ADAMTSL1: variants seen among roughly 807,000 people sequenced by gnomAD.
ADAMTSL1 encodes ADAMTS-like protein 1.
ADAMTSL1 carries 126 observed loss-of-function variants against 201.8 expected under a neutral mutation model. That is an observed-to-expected ratio of 0.62 (90% CI 0.54 to 0.72). The LOEUF (loss-of-function observed/expected upper bound fraction) is 0.72. ADAMTSL1 is among the 30% of genes least tolerant of loss of function. The pLI is 0.00. For missense variants in ADAMTSL1, 2,679 were observed against 2,277.8 expected (o/e 1.18, Z -3.59); for synonymous variants, 1,121 against 903.4 (o/e 1.24, Z -4.32).
chr9:18,310,640 C>T (rs1348958200), intron 2 of ADAMTSL1, among the ~76,000 whole-genome samples: 1 of 152,042 alleles, frequency 6.6e-6, no homozygotes, highest in African/African-American at 2.4e-5. Context: ...AAATGCAAGT[C>T]AAAACCACAA....
chr9:18,732,085 T>C (rs1012009537), intron 15 of ADAMTSL1, among the ~76,000 whole-genome samples: 3 of 152,208 alleles, frequency 2.0e-5, no homozygotes, highest in African/African-American at 7.2e-5. Context: ...TGATCGCATA[T>C]GTAAAACACT....
At chr9:18,548,859 G>GATTTATCTATGGAT (rs1820628646) in intron 3 of ADAMTSL1, among the ~76,000 whole-genome samples, 1 of 151,900 alleles carries the variant, frequency 6.6e-6, no homozygotes, top group Non-Finnish European at 1.5e-5. Flanking sequence ...TCTAGTAATT[G>GATTTATCTATGGAT]AAATAAAAAT....
chr9:18,477,285 A>G (rs1328884868), intron 1 of ADAMTSL1, among the ~76,000 whole-genome samples: 1 of 152,210 alleles, frequency 6.6e-6, no homozygotes, highest in Non-Finnish European at 1.5e-5. Flanking sequence ...TTTCTTTTAA[A>G]CGGTTTTAAG....
intron 8 of ADAMTSL1, among the ~76,000 whole-genome samples, chr9:18,659,947 T>C (rs1432070479): frequency 1.3e-5 from 2 of 152,052 alleles, no homozygotes; most frequent in Non-Finnish European, 2.9e-5. Context: ...CCATGCTTTG[T>C]GAGAAATAGC....
chr9:18,102,481 G>A (rs550296751), intron 1 of ADAMTSL1, among the ~76,000 whole-genome samples: 2 of 152,304 alleles, frequency 1.3e-5, no homozygotes, highest in South Asian at 4.1e-4. Context: ...CATGAGAAGA[G>A]GGTCTTGGTT....
intron 5 of ADAMTSL1, among the ~76,000 whole-genome samples, chr9:18,635,612 T>C (rs758246620): frequency 6.6e-6 from 1 of 152,214 alleles, no homozygotes; most frequent in Non-Finnish European, 1.5e-5. Context: ...AATGTATTTT[T>C]ATGTTTTAAT....
At chr9:18,473,448 G>T (rs1180382471), upstream of ADAMTSL1, among the ~76,000 whole-genome samples, 1 of 152,118 alleles carries the variant, frequency 6.6e-6, no homozygotes, top group Non-Finnish European at 1.5e-5. Context: ...GCCTTCAATT[G>T]TCACTTTACA....
At chr9:18,184,247 A>C (rs1393766692) in intron 2 of ADAMTSL1, among the ~76,000 whole-genome samples, 1 of 152,198 alleles carries the variant, frequency 6.6e-6, no homozygotes. Context: ...TAAATACTTT[A>C]CCTATAACCT....
In ADAMTSL1 at chr9:18,201,583, C is replaced by A. The variant is rs146806310; in HGVS notation, c.207+37602C>A. The stretch of plus-strand genomic sequence containing the variant: ...TTAGAAGGAGCAATGGGTTAAAAAA[C>A]TTTTCATCTTGTTTTATTGCGATAA... On this transcript the variant is annotated intron_variant, in intron 2 of 29. Coordinates refer to the ADAMTSL1 transcript ENST00000680146. Among the ~76,000 whole-genome samples, 960 of 152,134 alleles carry A rather than the reference C, an allele frequency of 6.3e-3. 14 individuals are homozygous for A. The highest frequency in any genetic ancestry group is 0.022 in the African/African-American group (925 of 41,548).
chr9:18,718,058 A>T (rs1816094638), intron 14 of ADAMTSL1: 1 of 1,514,656 alleles, frequency 6.6e-7, no homozygotes, highest in Admixed American at 1.7e-5. Flanking sequence ...GTCATAAAAG[A>T]TCTCATTAAC....
chr9:18,328,998 T>C (rs1241995192), intron 2 of ADAMTSL1, among the ~76,000 whole-genome samples: 1 of 152,156 alleles, frequency 6.6e-6, no homozygotes, highest in African/African-American at 2.4e-5. Flanking sequence ...TTTGCTATAG[T>C]CTGAATGTTT....
intron 2 of ADAMTSL1, among the ~76,000 whole-genome samples, chr9:18,409,993 T>C (rs1272530188): frequency 6.6e-6 from 1 of 151,742 alleles, no homozygotes; most frequent in East Asian, 1.9e-4. Flanking sequence ...ATCTTTGCTT[T>C]CTTCCTGAGT....
intron 2 of ADAMTSL1, among the ~76,000 whole-genome samples, chr9:18,364,660 A>T (rs1836689715): frequency 6.6e-6 from 1 of 152,120 alleles, no homozygotes; most frequent in Non-Finnish European, 1.5e-5. Flanking sequence ...TGCTATAAAG[A>T]AATACCTGTG....
rs533480328 is a variant in ADAMTSL1, at chr9:18,631,249, C to A, written c.602-4694C>A. ...CCTAGGCAAATGGAAGGATGAAGTTCTCCAGATGGGAATGAGGAGGGCATC... is the reference window on the plus strand; with the variant it reads ...CCTAGGCAAATGGAAGGATGAAGTTATCCAGATGGGAATGAGGAGGGCATC... On this transcript the variant is annotated intron_variant, in intron 5 of 28. Transcript: ENST00000380548. Among the ~76,000 whole-genome samples, 4 of 152,272 alleles carry A rather than the reference C, an allele frequency of 2.6e-5. No homozygotes were observed. The East Asian group carries it at 7.7e-4, about 29-fold the overall frequency.
At chr9:18,459,223 T>A (rs886283527) in intron 2 of ADAMTSL1, among the ~76,000 whole-genome samples, 30 of 152,206 alleles carry the variant, frequency 2.0e-4, no homozygotes, top group African/African-American at 6.3e-4. Context: ...CTCAAGCAGC[T>A]TATGTTATAG....
At chr9:18,572,909 G>A (rs1372756500) in intron 3 of ADAMTSL1, among the ~76,000 whole-genome samples, 1 of 152,158 alleles carries the variant, frequency 6.6e-6, no homozygotes, top group East Asian at 1.9e-4. Flanking sequence ...GTCGACGACA[G>A]TCTTCCATGG....
chr9:18,289,693 A>G (rs1833173377), intron 2 of ADAMTSL1, among the ~76,000 whole-genome samples: 1 of 152,234 alleles, frequency 6.6e-6, no homozygotes, highest in Admixed American at 6.5e-5. Context: ...AAAGGATGAC[A>G]AAATGATCTT....
Position 18,474,204 on chromosome 9 carries a change from C to A in ADAMTSL1, c.-29C>A, listed in dbSNP as rs1297609617. 6.2e-7 allele frequency: 1 copy of A among 1,612,662 alleles called. No homozygotes were observed. Among genetic ancestry groups the A allele is most frequent in the Non-Finnish European group, 8.5e-7 (1 of 1,178,846 alleles). ...GAGCACTTAGCAGCTTATTCAGTGTCCGATTCTGATTCCGGCAAGGATCCA... is the reference window on the plus strand; with the variant it reads ...GAGCACTTAGCAGCTTATTCAGTGTACGATTCTGATTCCGGCAAGGATCCA... On this transcript the variant is annotated 5_prime_UTR_variant, in exon 1 of 29. Transcript: ENST00000380548.
intron 20 of ADAMTSL1, among the ~76,000 whole-genome samples, chr9:18,802,748 T>A (rs1278406446): frequency 6.6e-6 from 1 of 152,344 alleles, no homozygotes; most frequent in East Asian, 1.9e-4. Flanking sequence ...TCTGGGTTGT[T>A]TGGCGCATTT....
Sources: gnomAD v4.1 joint callset for allele counts (sites outside exome capture counted in the v4.1 genomes callset) on GRCh38, gnomAD v4.1.1 for gene constraint, MANE v1.5 for transcripts, NCBI Gene and HGNC (gene_info 2026-07-23, HGNC 2026-07-21) for gene names.